Variants in RPS6KC1 observed in about 807,000 individuals in gnomAD.
The protein encoded by RPS6KC1 is inactive ribosomal protein S6 kinase delta-1.
RPS6KC1 carries 54 observed loss-of-function variants against 103.8 expected under a neutral mutation model. That is an observed-to-expected ratio of 0.52 (90% confidence interval 0.42 to 0.65). The LOEUF is 0.65. Among genes scored for constraint, RPS6KC1 ranks in the 30% least tolerant of loss-of-function variants. The pLI, the probability that RPS6KC1 is intolerant of heterozygous loss-of-function variation, is 0.00. For synonymous variants in RPS6KC1, 439 were observed against 438.7 expected, an observed-to-expected ratio of 1.00 and a Z score of -0.01; for missense variants, 1,151 against 1,253.8, an observed-to-expected ratio of 0.92 and a Z score of 1.24.
At chr1:213,813,449 C>T in the RPS6KC1 span, among the ~76,000 whole-genome samples, 1 of 151,506 alleles carries the variant, frequency 6.6e-6, no homozygotes, top group Admixed American at 6.6e-5. Context: ...CTAGGAAACA[C>T]ATGAAGATGA....
At chr1:213,766,285 C>A in the RPS6KC1 span, among the ~76,000 whole-genome samples, 1 of 152,264 alleles carries the variant, frequency 6.6e-6, no homozygotes, top group South Asian at 2.1e-4. Context: ...CAGAAGAAGG[C>A]AAAACTAAGA....
the RPS6KC1 span, among the ~76,000 whole-genome samples, chr1:213,432,124 T>A: frequency 6.6e-6 from 1 of 152,366 alleles, no homozygotes; most frequent in East Asian, 1.9e-4. Context: ...TTGGGTTCTC[T>A]ACTTTTTTGA....
intron 4 of RPS6KC1, among the ~76,000 whole-genome samples, chr1:213,110,620 C>G (rs1203563244): frequency 1.3e-5 from 2 of 152,204 alleles, no homozygotes; most frequent in Admixed American, 1.3e-4. Context: ...CCTTTTAATG[C>G]TGATGATTTT....
the RPS6KC1 span, among the ~76,000 whole-genome samples, chr1:213,530,988 A>G: frequency 1.3e-5 from 2 of 152,318 alleles, no homozygotes; most frequent in Non-Finnish European, 2.9e-5. Context: ...AGAATTCACT[A>G]TATATGTTCC....
At chr1:213,540,712 A>C in the RPS6KC1 span, among the ~76,000 whole-genome samples, 8 of 152,200 alleles carry the variant, frequency 5.3e-5, no homozygotes, top group Admixed American at 3.9e-4. Context: ...TCCTTTCCCC[A>C]AAAATTTCTG....
chr1:213,737,585 C>T, the RPS6KC1 span, among the ~76,000 whole-genome samples: 17 of 152,180 alleles, frequency 1.1e-4, no homozygotes, highest in South Asian at 6.2e-4. Context: ...TTTAAACTAC[C>T]GTAGACAGAG....
Position 213,176,489 on chromosome 1 carries a change from C to T in RPS6KC1, c.1041C>T (p.Asp347=), listed in dbSNP as rs1281019196. 1 of 1,588,650 alleles carries T rather than the reference C, an allele frequency of 6.3e-7. No homozygotes were observed. The highest frequency in any genetic ancestry group is 1.1e-5 in the South Asian group (1 of 88,672). ...LKAFRVLGVI[D]KVLLVMDTRT... is the part of the protein sequence containing the mutation. The stretch of plus-strand genomic sequence containing the variant: ...CCTTCAGAGTCCTTGGGGTGATTGA[C>T]AAGGTAATTCTTCAGTGTCTCTTCA... The change falls in exon 8 of 15, where the codon GAC becomes GAT. Residue 347 remains aspartate (D), a synonymous_variant. Coordinates refer to ENST00000366960, the MANE Select transcript of RPS6KC1 (RefSeq NM_012424.6).
the RPS6KC1 span, among the ~76,000 whole-genome samples, chr1:213,694,886 C>A: frequency 2.6e-4 from 40 of 152,250 alleles, no homozygotes; most frequent in African/African-American, 9.6e-4. Flanking sequence ...GGCAGGAAAA[C>A]CAGGTAGGTT....
At chr1:213,766,209 G>T in the RPS6KC1 span, among the ~76,000 whole-genome samples, 1 of 152,182 alleles carries the variant, frequency 6.6e-6, no homozygotes, top group Non-Finnish European at 1.5e-5. Flanking sequence ...ACCAAGGCTT[G>T]TTTAACGTTT....
chr1:213,777,564 G>A, the RPS6KC1 span, among the ~76,000 whole-genome samples: 3 of 152,104 alleles, frequency 2.0e-5, no homozygotes, highest in African/African-American at 7.2e-5. Flanking sequence ...AAATATATCT[G>A]AAATATTATA....
At chr1:213,549,726 G>A in the RPS6KC1 span, among the ~76,000 whole-genome samples, 1 of 148,698 alleles carries the variant, frequency 6.7e-6, no homozygotes, top group Non-Finnish European at 1.5e-5. Flanking sequence ...TTCAGTAGAA[G>A]TGTGACCCTG....
At chr1:213,378,821 A>C in the RPS6KC1 span, among the ~76,000 whole-genome samples, 1 of 152,198 alleles carries the variant, frequency 6.6e-6, no homozygotes, top group Non-Finnish European at 1.5e-5. Context: ...TTCCTCCGAC[A>C]TCCATCCAAG....
At chr1:213,101,485 A>C (rs2082015039) in intron 3 of RPS6KC1, among the ~76,000 whole-genome samples, 1 of 152,226 alleles carries the variant, frequency 6.6e-6, no homozygotes, top group South Asian at 2.1e-4. Flanking sequence ...ATAGCAGTAC[A>C]AGAAATGCTT....
chr1:213,195,886 T>C (rs532736929), intron 8 of RPS6KC1, among the ~76,000 whole-genome samples: 1 of 151,972 alleles, frequency 6.6e-6, no homozygotes, highest in Admixed American at 6.6e-5. Context: ...TTGTTGGTAA[T>C]GGGCACGTAG....
chr1:213,319,084 T>C, the RPS6KC1 span, among the ~76,000 whole-genome samples: 1 of 152,108 alleles, frequency 6.6e-6, no homozygotes, highest in Non-Finnish European at 1.5e-5. Context: ...GGTGGGTGGA[T>C]CATCTGAGGT....
the RPS6KC1 span, among the ~76,000 whole-genome samples, chr1:213,331,823 C>T: frequency 6.6e-6 from 1 of 152,128 alleles, no homozygotes; most frequent in Non-Finnish European, 1.5e-5. Context: ...GAACTTGTCC[C>T]CGCAGCTGAG....
chr1:213,753,638 A>G, the RPS6KC1 span, among the ~76,000 whole-genome samples: 596 of 152,168 alleles, frequency 3.9e-3, 5 homozygotes, highest in Middle Eastern at 0.027. Flanking sequence ...TTCCAGGACC[A>G]CCTGATGCTG....
At chr1:213,783,483 C>G in the RPS6KC1 span, among the ~76,000 whole-genome samples, 261 of 152,266 alleles carry the variant, frequency 1.7e-3, 2 homozygotes, top group Non-Finnish European at 2.7e-3. Flanking sequence ...TGCCTCCCCC[C>G]CTCAGATCTC....
the RPS6KC1 span, among the ~76,000 whole-genome samples, chr1:213,649,313 A>G: frequency 4.0e-5 from 6 of 149,540 alleles, no homozygotes; most frequent in Non-Finnish European, 8.9e-5. Context: ...ATGCCTGATC[A>G]TCTTCCTCCC....
Sources: allele counts gnomAD v4.1 joint callset (sites outside exome capture counted in the v4.1 genomes callset), GRCh38; gene constraint gnomAD v4.1.1; transcripts MANE v1.5; gene names NCBI Gene and HGNC (gene_info 2026-07-23, HGNC 2026-07-21).